Variants in PDZD2 observed in about 807,000 individuals in gnomAD.
The protein encoded by PDZD2 is PDZ domain-containing protein 2.
A neutral mutation model predicts 220.7 loss-of-function variants in PDZD2; 90 were observed. The ratio of observed to expected loss-of-function variants is 0.41; its 90% CI spans 0.34 to 0.49. PDZD2 has a LOEUF of 0.49. Among genes scored for constraint, PDZD2 ranks in the 20% least tolerant of loss-of-function variants. PDZD2 has a pLI of 0.28. For synonymous variants in PDZD2, 1,375 were observed against 1,450.5 expected (o/e 0.95, Z 1.18); for missense variants, 3,174 against 3,608.5 (o/e 0.88, Z 3.08).
chr5:31,957,595 C>T (rs1384713270), intron 2 of PDZD2, among the ~76,000 whole-genome samples: 1 of 152,180 alleles, frequency 6.6e-6, no homozygotes, highest in East Asian at 1.9e-4. Context: ...AGGTGATCAA[C>T]TCTAGCCTCT....
intron 2 of PDZD2, among the ~76,000 whole-genome samples, chr5:31,967,796 C>T (rs1162358318): frequency 7.2e-5 from 11 of 152,132 alleles, no homozygotes; most frequent in Admixed American, 2.6e-4. Flanking sequence ...AAGGACAAGT[C>T]ATAGCAAAGC....
chr5:31,689,353 A>ATATATATATATATTTTTTT, intron 1 of PDZD2, among the ~76,000 whole-genome samples: 29 of 35,108 alleles, frequency 8.3e-4, no homozygotes, highest in Non-Finnish European at 1.0e-3. Context: ...ATATATATAT[A>ATATATATATATATTTTTTT]TTTTTTTTTT....
At chr5:31,942,043 A>G (rs1581129067) in intron 2 of PDZD2, among the ~76,000 whole-genome samples, 1 of 152,342 alleles carries the variant, frequency 6.6e-6, no homozygotes, top group Middle Eastern at 3.4e-3. Flanking sequence ...AAACCTTGCA[A>G]GTTAGTCACT....
chr5:31,713,630 G>C (rs187126070), intron 1 of PDZD2, among the ~76,000 whole-genome samples: 1 of 152,134 alleles, frequency 6.6e-6, no homozygotes, highest in African/African-American at 2.4e-5. Flanking sequence ...AGTTCCTGTG[G>C]GAGCTGATTG....
At chr5:31,951,418 C>T in intron 2 of PDZD2, among the ~76,000 whole-genome samples, 1 of 152,124 alleles carries the variant, frequency 6.6e-6, no homozygotes, top group Non-Finnish European at 1.5e-5. Flanking sequence ...GTTCTCTAAT[C>T]TCATGGCCTA....
chr5:32,063,654 A>C (rs867824609), intron 14 of PDZD2, among the ~76,000 whole-genome samples: 2 of 152,232 alleles, frequency 1.3e-5, no homozygotes, highest in African/African-American at 4.8e-5. Context: ...TTGAGCTTCT[A>C]CTGGGTGCCA....
At chr5:31,843,081 A>G (rs1370015768) in intron 2 of PDZD2, among the ~76,000 whole-genome samples, 1 of 151,916 alleles carries the variant, frequency 6.6e-6, no homozygotes, top group Non-Finnish European at 1.5e-5. Context: ...GGGTTTCACC[A>G]CGTTGGTCAG....
At chr5:31,901,696 C>G (rs972915150) in intron 2 of PDZD2, among the ~76,000 whole-genome samples, 2 of 152,068 alleles carry the variant, frequency 1.3e-5, no homozygotes, top group African/African-American at 4.8e-5. Context: ...CTGTAGACAT[C>G]ACATTATCTA....
chr5:31,947,847 G>T (rs548282763), intron 2 of PDZD2, among the ~76,000 whole-genome samples: 1 of 152,012 alleles, frequency 6.6e-6, no homozygotes, highest in South Asian at 2.1e-4. Flanking sequence ...GGTGGATGGG[G>T]ACAGTGAGAG....
chr5:32,030,034 T>G (rs1290969693), intron 6 of PDZD2, among the ~76,000 whole-genome samples: 2 of 152,228 alleles, frequency 1.3e-5, no homozygotes, highest in Admixed American at 1.3e-4. Context: ...GTGCTTTCTG[T>G]GTGTATTCAG....
At chr5:31,864,799 C>T (rs1007069269) in intron 2 of PDZD2, among the ~76,000 whole-genome samples, 1 of 149,642 alleles carries the variant, frequency 6.7e-6, no homozygotes, top group Non-Finnish European at 1.5e-5. Flanking sequence ...TAGGCATGAG[C>T]CACAGTGCCC....
At chr5:31,902,321 C>T (rs1447654447) in intron 2 of PDZD2, among the ~76,000 whole-genome samples, 2 of 152,028 alleles carry the variant, frequency 1.3e-5, no homozygotes, top group Non-Finnish European at 2.9e-5. Flanking sequence ...TTTTGGTTTG[C>T]GTTTCCCTGA....
chr5:31,829,609 A>G (rs1428720053), intron 2 of PDZD2, among the ~76,000 whole-genome samples: 2 of 151,956 alleles, frequency 1.3e-5, no homozygotes, highest in African/African-American at 4.8e-5. Flanking sequence ...GAACCACCAC[A>G]CCCAGCCCAG....
At chr5:32,100,594 G>A (rs1421517136) in intron 23 of PDZD2, 2 of 342,098 alleles carry the variant, frequency 5.8e-6, no homozygotes, top group Non-Finnish European at 1.1e-5. Flanking sequence ...GGGGAGGCAG[G>A]AAGCTCTCTG....
chr5:31,901,041 G>A (rs1742047780), intron 2 of PDZD2, among the ~76,000 whole-genome samples: 1 of 152,176 alleles, frequency 6.6e-6, no homozygotes, highest in Non-Finnish European at 1.5e-5. Context: ...AGGGGAGTTG[G>A]AGGCAAGAGC....
chr5:31,835,617 C>CA (rs35183763), intron 2 of PDZD2, among the ~76,000 whole-genome samples: 50,187 of 142,692 alleles, frequency 0.35, 10,118 homozygotes, highest in Non-Finnish European at 0.47. Context: ...CACTCCATCT[C>CA]AAAAAAAAAA....
intron 2 of PDZD2, among the ~76,000 whole-genome samples, chr5:31,848,724 G>C (rs931377496): frequency 6.6e-6 from 1 of 151,528 alleles, no homozygotes; most frequent in Non-Finnish European, 1.5e-5. Context: ...ACTCCAGCCT[G>C]GGCGACAGAG....
chr5:31,743,199 G>A (rs552410132), intron 1 of PDZD2, among the ~76,000 whole-genome samples: 7 of 150,390 alleles, frequency 4.7e-5, no homozygotes, highest in Non-Finnish European at 1.0e-4. Context: ...TTTGATACAG[G>A]GTCTTACTCT....
chr5:31,802,851 C>T (rs548942526), intron 2 of PDZD2, among the ~76,000 whole-genome samples: 3 of 133,588 alleles, frequency 2.2e-5, no homozygotes, highest in South Asian at 5.0e-4. Flanking sequence ...ACCCAGGAGG[C>T]GGAGCTTGCA....
Sources: gnomAD v4.1 joint callset for allele counts (sites outside exome capture counted in the v4.1 genomes callset) on GRCh38, gnomAD v4.1.1 for gene constraint, MANE v1.5 for transcripts, NCBI Gene and HGNC (gene_info 2026-07-23, HGNC 2026-07-21) for gene names.